Variants in SYNE2 observed in about 807,000 individuals in gnomAD.
SYNE2 encodes spectrin repeat containing nuclear envelope protein 2.
Under a neutral mutation model 856.3 loss-of-function variants are expected in SYNE2, and 431 were observed. The ratio of observed to expected loss-of-function variants is 0.50; its 90% CI spans 0.47 to 0.55. SYNE2 has a LOEUF of 0.55. Among genes scored for constraint, SYNE2 ranks in the 20% least tolerant of loss-of-function variants. The probability of loss-of-function intolerance (pLI) is 0.00; values close to 1 mark genes in which losing one functional copy is unlikely to be tolerated. For synonymous variants in SYNE2, 2,923 were observed against 2,872.3 expected, an observed-to-expected ratio of 1.02 and a Z score of -0.56; for missense variants, 8,129 against 8,023.2, an observed-to-expected ratio of 1.01 and a Z score of -0.50.
chr14:63,878,460 A>T (rs112435864), intron 1 of SYNE2, among the ~76,000 whole-genome samples: 1 of 152,180 alleles, frequency 6.6e-6, no homozygotes, highest in African/African-American at 2.4e-5. Flanking sequence ...GAATCAAGAC[A>T]ATCATTTGCT....
intron 107 of SYNE2, 28 bp downstream of exon 107, chr14:64,215,382 C>T: frequency 4.3e-6 from 7 of 1,610,256 alleles, no homozygotes; most frequent in Middle Eastern, 1.7e-4. Context: ...CATGTGTCAA[C>T]ATGGCAGCAT....
At chr14:64,071,586 AT>A (rs1316075884) in intron 52 of SYNE2, among the ~76,000 whole-genome samples, 9 of 152,150 alleles carry the variant, frequency 5.9e-5, no homozygotes, top group African/African-American at 2.2e-4. Flanking sequence ...ACTGCCAATC[AT>A]TTTTTCTCCT....
At chr14:63,895,725 G>A (rs1318732508) in intron 1 of SYNE2, among the ~76,000 whole-genome samples, 1 of 140,496 alleles carries the variant, frequency 7.1e-6, no homozygotes, top group Admixed American at 7.6e-5. Context: ...TTGAAATTGT[G>A]CACTGTACTC....
intron 45 of SYNE2, among the ~76,000 whole-genome samples, chr14:64,033,724 G>A (rs1161552735): frequency 1.3e-5 from 2 of 151,990 alleles, no homozygotes; most frequent in Non-Finnish European, 2.9e-5. Flanking sequence ...AATTTATTAT[G>A]CTTTTAATTA....
At chr14:64,119,308 CTG>C in intron 66 of SYNE2, 117 bp from the exon 67 acceptor site, 3 of 1,327,262 alleles carry the variant, frequency 2.3e-6, no homozygotes, top group Non-Finnish European at 3.2e-6. Context: ...TTCTTCCATC[CTG>C]TGTTTCTGGG....
In SYNE2 at chr14:64,177,433, C is replaced by T; in HGVS notation, c.17506C>T (p.Pro5836Ser). Residue 5836 changes from proline to serine, a missense_variant, in exon 96 of 116, where the codon CCT becomes TCT. Pro to Ser is a moderately conservative substitution (Grantham distance 74, BLOSUM62 -1). Around this residue, in one of 3 missense-constraint regions of SYNE2, gnomAD observed 5,410 missense variants for 5,284.8 expected, o/e 1.02. Coordinates refer to ENST00000555002, the MANE Select transcript of SYNE2 (RefSeq NM_182914.3). ...AGTTTTAAAGGCACAAAGTGAAGAT[C>T]CTCTTCCAGAGCTTCACGAGGACCT... is the stretch of plus-strand genomic sequence containing the variant. The part of the protein sequence containing the change: ...LQVLKAQSED[P>S]LPELHEDLHN... The T allele has an allele frequency of 1.9e-6, 3 of 1,614,106 alleles. No individual in the cohort carries two copies. Among genetic ancestry groups the T allele is most frequent in the Non-Finnish European group, 2.5e-6 (3 of 1,180,014 alleles).
At chr14:64,212,631 A>G (rs2098647199) in intron 104 of SYNE2, among the ~76,000 whole-genome samples, 180 bp from the exon 105 acceptor site, 1 of 152,370 alleles carries the variant, frequency 6.6e-6, no homozygotes, top group Admixed American at 6.5e-5. Flanking sequence ...AATATAGACA[A>G]TCACTTAAAA....
chr14:63,878,400 GTTGA>G (rs1566687408), intron 1 of SYNE2, among the ~76,000 whole-genome samples: 1 of 152,186 alleles, frequency 6.6e-6, no homozygotes, highest in Non-Finnish European at 1.5e-5. Flanking sequence ...GGGAGGATTG[GTTGA>G]TTGTCTAGAG....
intron 76 of SYNE2, 112 bp downstream of exon 76, chr14:64,130,360 C>T (rs2098003091): frequency 1.0e-6 from 1 of 1,001,240 alleles, no homozygotes; most frequent in African/African-American, 1.6e-5. Flanking sequence ...TTAAGCTATT[C>T]ATTCTTTTAA....
At chr14:64,039,517 C>T (rs1284417438) in intron 45 of SYNE2, among the ~76,000 whole-genome samples, 1 of 152,152 alleles carries the variant, frequency 6.6e-6, no homozygotes, top group Non-Finnish European at 1.5e-5. Context: ...CTATTCTTTT[C>T]CAAACAGACC....
At position 63,772,223 on chromosome 14, in the gene SYNE2, G is replaced by A. The variant is rs148569406; in HGVS notation, c.-305+10237G>A. On this transcript the variant is annotated intron_variant, in intron 1 of 23. Transcript: ENST00000674003. ...ACAAAAATTAGCAGGGTGTGGTGGT[G>A]TGCACCTGTGGTACCAGCTACTTGG... Among the ~76,000 whole-genome samples, 81 of 152,166 alleles carry A rather than the reference G, an allele frequency of 5.3e-4. 1 individual carries two copies. The East Asian group carries it at 0.015, about 28-fold the overall frequency.
intron 78 of SYNE2, among the ~76,000 whole-genome samples, chr14:64,135,624 C>G (rs914909084): frequency 6.6e-6 from 1 of 152,124 alleles, no homozygotes; most frequent in African/African-American, 2.4e-5. Context: ...AAGCAACAGT[C>G]TAATATTAGC....
intron 83 of SYNE2, among the ~76,000 whole-genome samples, chr14:64,145,370 T>C (rs998723918): frequency 1.3e-5 from 2 of 151,954 alleles, no homozygotes; most frequent in Non-Finnish European, 2.9e-5. Flanking sequence ...TAGCTGGGCA[T>C]GGCGGCACGT....
chr14:63,986,588 G>A lies in SYNE2; in HGVS notation c.2284G>A (p.Val762Met), dbSNP rs1346698226. ...EAKSVLDQDD[V>M]DTSMEESLKH... ...CAAATCTGTTTTGGATCAAGATGAT[G>A]TGGACACCTCAATGGAAGAATCTTT... Residue 762 changes from valine (V) to methionine (M), a missense_variant, in exon 19 of 116, where the codon GTG becomes ATG. Around this residue, in one of 3 missense-constraint regions of SYNE2, gnomAD observed 2,422 missense variants for 2,357.4 expected, o/e 1.03. Coordinates refer to ENST00000555002, the MANE Select transcript of SYNE2 (RefSeq NM_182914.3). 6.2e-7 allele frequency: 1 copy of A among 1,614,162 alleles called. No homozygotes were observed. Among genetic ancestry groups the A allele is most frequent in the Non-Finnish European group, 8.5e-7 (1 of 1,180,008 alleles).
rs539691752 is a variant in SYNE2, at chr14:64,105,084, CTG to C, written c.12493-2403_12493-2402del. ...GTCAGTGGCCAATGATGTCCATTCA[CTG>C]TGTACAGCCTCTCCTCCCATTATTT... On this transcript the variant is annotated intron_variant, in intron 64 of 115. Transcript: ENST00000555002. 3.8e-4 allele frequency among the ~76,000 whole-genome samples: 58 copies of C among 152,322 alleles called. No individual in the cohort carries two copies. The South Asian group carries it at 0.012, about 32-fold the overall frequency.
At chr14:64,224,594 A>C (rs764126036) in intron 114 of SYNE2, 47 bp downstream of exon 114, 5 of 1,605,352 alleles carry the variant, frequency 3.1e-6, no homozygotes, top group Non-Finnish European at 4.3e-6. Flanking sequence ...TTATTTTTTA[A>C]AGTCACTAAG....
chr14:63,941,672 A>G (rs750565038), intron 3 of SYNE2, 23 bp from the exon 4 acceptor site: 141 of 1,601,592 alleles, frequency 8.8e-5, no homozygotes, highest in Non-Finnish European at 1.1e-4. Flanking sequence ...TTGAATGATT[A>G]TTTTTCTTGT....
intron 2 of SYNE2, among the ~76,000 whole-genome samples, chr14:63,928,952 C>G (rs1432766810): frequency 6.6e-6 from 1 of 152,170 alleles, no homozygotes; most frequent in Non-Finnish European, 1.5e-5. Flanking sequence ...GTCTCTGCCC[C>G]TGGTTCCTGG....
rs771447702 is a variant in SYNE2 at position 64,216,298 on chromosome 14, T to G, written c.19453T>G (p.Cys6485Gly). 4.3e-6 allele frequency: 7 copies of G among 1,614,122 alleles called. No individual in the cohort carries two copies. The highest frequency in any genetic ancestry group is 5.1e-6 in the Non-Finnish European group (6 of 1,180,054). Reference protein sequence around the residue: ...HSWHVPDSPSCPEHHYKQMEG... With the variant: ...HSWHVPDSPSGPEHHYKQMEG... ...GTGGCATGTTCCCGACAGCCCTTCC[T>G]GTCCCGAGCATCACTACAAGCAAAT... The change falls in exon 108 of 116, where the codon TGT becomes GGT. Residue 6485 changes from cysteine (C) to glycine (G), a missense_variant. Coordinates refer to ENST00000555002, the MANE Select transcript of SYNE2 (RefSeq NM_182914.3).
Sources: gnomAD v4.1 joint callset for allele counts (sites outside exome capture counted in the v4.1 genomes callset) on GRCh38, gnomAD v4.1.1 for gene constraint, gnomAD v4.1.1 regional missense constraint, MANE v1.5 for transcripts, NCBI Gene and HGNC (gene_info 2026-07-23, HGNC 2026-07-21) for gene names.